The following GPBP1 variants were observed in gnomAD, a reference collection of about 807,000 sequenced individuals.
GPBP1 encodes the protein vasculin.
A neutral mutation model predicts 56.5 loss-of-function variants in GPBP1; 13 were observed. The ratio of observed to expected loss-of-function variants is 0.23; its 90% CI spans 0.15 to 0.37. The LOEUF (loss-of-function observed/expected upper bound fraction) is 0.37, where lower values mean the gene tolerates loss of function less well. Among genes scored for constraint, GPBP1 ranks in the 10% least tolerant of loss-of-function variants. The probability of loss-of-function intolerance (pLI) is 1.00; values close to 1 mark genes in which losing one functional copy is unlikely to be tolerated. For synonymous variants in GPBP1, 204 were observed against 188.9 expected, an observed-to-expected ratio of 1.08 and a Z score of -0.66; for missense variants, 477 against 572.3, an observed-to-expected ratio of 0.83 and a Z score of 1.70.
At chr5:57,197,839 C>T (rs544893154) in intron 2 of GPBP1, among the ~76,000 whole-genome samples, 2 of 151,656 alleles carry the variant, frequency 1.3e-5, no homozygotes, top group South Asian at 4.2e-4. Context: ...CTTTCATTTG[C>T]TACTTTGCTT....
At chr5:57,177,497 G>A (rs895888254) in intron 2 of GPBP1, among the ~76,000 whole-genome samples, 1 of 151,866 alleles carries the variant, frequency 6.6e-6, no homozygotes, top group African/African-American at 2.4e-5. Flanking sequence ...ATTTGAGACC[G>A]AGTTTCGCTC....
chr5:57,189,000 G>T (rs1223635017), intron 2 of GPBP1, among the ~76,000 whole-genome samples: 2 of 152,036 alleles, frequency 1.3e-5, no homozygotes, highest in South Asian at 2.1e-4. Context: ...CTGTCTGTCT[G>T]TCTTTCTTTG....
At chr5:57,184,816 T>G (rs1436140333) in intron 2 of GPBP1, among the ~76,000 whole-genome samples, 1 of 152,244 alleles carries the variant, frequency 6.6e-6, no homozygotes, top group African/African-American at 2.4e-5. Flanking sequence ...GTCTGTTTAG[T>G]ATCGATGTCC....
intron 2 of GPBP1, among the ~76,000 whole-genome samples, chr5:57,200,943 G>T (rs1754993825): frequency 6.6e-6 from 1 of 152,312 alleles, no homozygotes; most frequent in Non-Finnish European, 1.5e-5. Context: ...CTCCCAGAGT[G>T]CTGGGATTAC....
rs539127013 is a variant in GPBP1, at chr5:57,234,565, C to T, written c.412-1401C>T. The stretch of plus-strand genomic sequence containing the variant: ...CCAGCCTGGGCAACATAGCAAGACC[C>T]ATTATCTACAAAGTTTTTATTAAAA... On this transcript the variant is annotated intron_variant, in intron 5 of 11. Transcript: ENST00000506184. 2.0e-5 allele frequency among the ~76,000 whole-genome samples: 3 copies of T among 152,050 alleles called. No individual in the cohort carries two copies. The South Asian group carries it at 6.3e-4, about 32-fold the overall frequency.
chr5:57,225,558 A>G (rs929333000), intron 3 of GPBP1, among the ~76,000 whole-genome samples: 12 of 152,036 alleles, frequency 7.9e-5, no homozygotes, highest in Non-Finnish European at 1.6e-4. Flanking sequence ...ATTAAAAAAA[A>G]CTCCGACAGA....
chr5:57,254,901 T>G (rs1741580736), intron 10 of GPBP1, among the ~76,000 whole-genome samples: 1 of 152,222 alleles, frequency 6.6e-6, no homozygotes, highest in Non-Finnish European at 1.5e-5. Context: ...ACACTATTTT[T>G]ATTGCCTCCC....
rs780072167 is a variant in GPBP1 at position 57,261,249 on chromosome 5, T to G, written c.1230T>G (p.Asp410Glu). ...NDETCAPLTE[D>E]EMREFQVISE... is the part of the protein sequence containing the mutation. Reference sequence around the variant, plus strand: ...AAACATGTGCTCCCTTAACTGAGGATGAAATGAGAGAATTCCAAGTTATTA... The same window carrying G: ...AAACATGTGCTCCCTTAACTGAGGAGGAAATGAGAGAATTCCAAGTTATTA... Residue 410 changes from aspartate to glutamate, a missense_variant, in exon 11 of 12, where the codon GAT (aspartate) becomes GAG (glutamate). By Grantham distance (45) the Asp-to-Glu change is conservative. Coordinates refer to ENST00000506184, the MANE Select transcript of GPBP1 (RefSeq NM_022913.4). 6.2e-7 allele frequency: 1 copy of G among 1,611,984 alleles called. No homozygotes were observed. The highest frequency in any genetic ancestry group is 1.7e-5 in the Admixed American group (1 of 60,004).
At position 57,246,394 on chromosome 5, in the gene GPBP1, A is replaced by G. The variant is rs764469165; in HGVS notation, c.573A>G (p.Val191=). Residue 191 remains valine, a synonymous_variant, in exon 7 of 12, where the codon GTA becomes GTG. Coordinates refer to ENST00000506184, the MANE Select transcript of GPBP1 (RefSeq NM_022913.4). ...KDLQLSGFPV[V]GNLPSQPVKN... ...TACAGCTATCTGGATTCCCAGTAGTAGGAAATCTTCCGTCACAGCCAGTTA... is the reference window on the plus strand; with the variant it reads ...TACAGCTATCTGGATTCCCAGTAGTGGGAAATCTTCCGTCACAGCCAGTTA... 1.7e-5 allele frequency: 28 copies of G among 1,613,630 alleles called. No individual in the cohort carries two copies. The highest frequency in any genetic ancestry group is 2.3e-5 in the Non-Finnish European group (27 of 1,179,666).
chr5:57,236,486 CTG>C lies in GPBP1; in HGVS notation c.478+456_478+457del, dbSNP rs1756669192. 3.3e-5 allele frequency among the ~76,000 whole-genome samples: 5 copies of C among 152,100 alleles called. No individual in the cohort carries two copies. The South Asian group carries it at 1.0e-3, about 32-fold the overall frequency. On this transcript the variant is annotated intron_variant, in intron 6 of 11. Transcript: ENST00000506184. ...ATATATATACACATATATGTATAGACTGTTACAGATAATTGTATAAATTTGCT... is the reference window on the plus strand; with the variant it reads ...ATATATATACACATATATGTATAGACTTACAGATAATTGTATAAATTTGCT...
rs372421995 is a variant in GPBP1 at position 57,229,280 on chromosome 5, C to T, written c.64-1566C>T. ...AAAAAAAAAAAAAGGAGTTGTCTGT[C>T]TTCTCAACCCTTACTGTCATTATAT... On this transcript the variant is annotated intron_variant, in intron 3 of 11. Transcript: ENST00000506184. Among the ~76,000 whole-genome samples the T allele has an allele frequency of 9.4e-5, 12 of 127,008 alleles. 1 individual carries two copies. In the South Asian group the frequency reaches 2.7e-3, roughly 28 times the overall value. 83.3% of individuals were successfully genotyped at this position (127,008 alleles called of 152,430 possible).
At chr5:57,200,267 A>G (rs920771565) in intron 2 of GPBP1, among the ~76,000 whole-genome samples, 6 of 149,482 alleles carry the variant, frequency 4.0e-5, no homozygotes, top group Non-Finnish European at 8.9e-5. Context: ...TGTTCTTTCT[A>G]TGTTAGTGCT....
At chr5:57,237,449 G>T in intron 6 of GPBP1, 1 of 361,692 alleles carries the variant, frequency 2.8e-6, no homozygotes, top group Non-Finnish European at 5.1e-6. Flanking sequence ...GTATTAATAT[G>T]AAGATTTTGG....
At chr5:57,244,972 A>T (rs946334120) in intron 6 of GPBP1, among the ~76,000 whole-genome samples, 1 of 152,060 alleles carries the variant, frequency 6.6e-6, no homozygotes, top group South Asian at 2.1e-4. Context: ...TCCGGACCTC[A>T]TGGTCTGCCC....
chr5:57,248,180 T>C (rs1337319701), intron 8 of GPBP1, among the ~76,000 whole-genome samples: 4 of 152,062 alleles, frequency 2.6e-5, no homozygotes, highest in Non-Finnish European at 5.9e-5. Flanking sequence ...TGATGGACAT[T>C]TTATTACTAT....
At chr5:57,189,000 G>GTCTT (rs543375197) in intron 2 of GPBP1, among the ~76,000 whole-genome samples, 1 of 152,036 alleles carries the variant, frequency 6.6e-6, no homozygotes, top group Admixed American at 6.6e-5. Context: ...CTGTCTGTCT[G>GTCTT]TCTTTCTTTG....
intron 10 of GPBP1, 42 bp from the exon 11 acceptor site, chr5:57,261,138 A>C: frequency 8.3e-7 from 1 of 1,209,968 alleles, no homozygotes; most frequent in Non-Finnish European, 1.2e-6. Flanking sequence ...TGTCCTACTC[A>C]GGGTAAGCTT....
At chr5:57,195,256 A>G (rs1420498363) in intron 2 of GPBP1, among the ~76,000 whole-genome samples, 1 of 152,094 alleles carries the variant, frequency 6.6e-6, no homozygotes, top group African/African-American at 2.4e-5. Context: ...CCCGGGCTCA[A>G]GTGGTCCTCC....
intron 10 of GPBP1, among the ~76,000 whole-genome samples, chr5:57,252,583 G>A (rs949596721): frequency 6.6e-6 from 1 of 152,078 alleles, no homozygotes; most frequent in Non-Finnish European, 1.5e-5. Context: ...GTAGTGATGA[G>A]GGTTTCACTA....
Sources: allele counts gnomAD v4.1 joint callset (sites outside exome capture counted in the v4.1 genomes callset), GRCh38; gene constraint gnomAD v4.1.1; transcripts MANE v1.5; gene names NCBI Gene and HGNC (gene_info 2026-07-23, HGNC 2026-07-21).